Variants in SOX5 observed in about 807,000 individuals in gnomAD.
SOX5 encodes transcription factor SOX-5.
SOX5 carries 9 observed loss-of-function variants against 92.0 expected under a neutral mutation model. The ratio of observed to expected loss-of-function variants is 0.10; its 90% CI spans 0.06 to 0.17. SOX5 has a LOEUF of 0.17. Among genes scored for constraint, SOX5 ranks in the 10% least tolerant of loss-of-function variants. SOX5 has a pLI of 1.00. For synonymous variants in SOX5, 344 were observed against 336.3 expected, an observed-to-expected ratio of 1.02 and a Z score of -0.25; for missense variants, 642 against 944.5, an observed-to-expected ratio of 0.68 and a Z score of 4.20.
At chr12:24,046,006 C>A (rs923722046) in intron 4 of SOX5, among the ~76,000 whole-genome samples, 2 of 152,152 alleles carry the variant, frequency 1.3e-5, no homozygotes, top group African/African-American at 4.8e-5. Context: ...TTGCCAGTTG[C>A]GCGGTTTGCC....
At position 23,915,243 on chromosome 12, in the gene SOX5, T is replaced by C. The variant is rs11835148; in HGVS notation, c.39-19219A>G. On this transcript the variant is annotated intron_variant, in intron 1 of 14. Transcript: ENST00000451604. ...ACTGAATAAATGCTATCTATTATTA[T>C]TGCTGTTGTTCTTTGAAATTGAATT... Among the ~76,000 whole-genome samples, 1,384 of 152,284 alleles carry C rather than the reference T, an allele frequency of 9.1e-3. 22 individuals carry two copies. Among genetic ancestry groups the C allele is most frequent in the African/African-American group, 0.031 (1,302 of 41,584 alleles).
intron 1 of SOX5, among the ~76,000 whole-genome samples, chr12:24,540,667 C>T (rs1214243781): frequency 1.3e-5 from 2 of 152,106 alleles, no homozygotes; most frequent in Non-Finnish European, 2.9e-5. Flanking sequence ...GCAAATGATT[C>T]AAAAGACAAT....
chr12:24,162,543 A>C (rs1175815707), intron 4 of SOX5, among the ~76,000 whole-genome samples: 1 of 152,114 alleles, frequency 6.6e-6, no homozygotes, highest in Non-Finnish European at 1.5e-5. Flanking sequence ...TTAACAACTT[A>C]TTTTCTCAAA....
intron 8 of SOX5, among the ~76,000 whole-genome samples, chr12:23,627,560 T>C (rs1316182729): frequency 6.6e-6 from 1 of 152,156 alleles, no homozygotes; most frequent in African/African-American, 2.4e-5. Context: ...TGAGGCTGAA[T>C]GCTTACACTA....
intron 2 of SOX5, among the ~76,000 whole-genome samples, chr12:24,317,993 C>T (rs1194823811): frequency 1.3e-5 from 2 of 152,048 alleles, no homozygotes; most frequent in African/African-American, 4.8e-5. Flanking sequence ...GGCGGATCAC[C>T]TGAGGTCAGG....
At chr12:24,316,902 A>C (rs1479074854) in intron 2 of SOX5, among the ~76,000 whole-genome samples, 1 of 152,126 alleles carries the variant, frequency 6.6e-6, no homozygotes, top group Non-Finnish European at 1.5e-5. Flanking sequence ...CTGAAGCAGG[A>C]TTGAAAAAAA....
intron 8 of SOX5, among the ~76,000 whole-genome samples, chr12:23,611,369 C>T (rs112067701): frequency 3.6e-4 from 49 of 137,092 alleles, no homozygotes; most frequent in East Asian, 3.4e-3. Flanking sequence ...TGTGTGTGTG[C>T]GTGTGTGTGT....
intron 2 of SOX5, among the ~76,000 whole-genome samples, chr12:23,880,244 T>C (rs986987453): frequency 1.3e-5 from 2 of 152,170 alleles, no homozygotes; most frequent in Non-Finnish European, 2.9e-5. Flanking sequence ...CTTAAAGTGA[T>C]TTAACACCTA....
intron 11 of SOX5, among the ~76,000 whole-genome samples, chr12:23,562,133 C>T (rs1417284092): frequency 6.6e-6 from 1 of 152,170 alleles, no homozygotes; most frequent in Non-Finnish European, 1.5e-5. Flanking sequence ...TAAAAATGTG[C>T]CCTTCTCAGG....
intron 2 of SOX5, among the ~76,000 whole-genome samples, chr12:24,331,914 A>T (rs1242857320): frequency 6.6e-6 from 1 of 151,276 alleles, no homozygotes; most frequent in East Asian, 1.9e-4. Flanking sequence ...AAAAAGGTGA[A>T]ATTAAGTATG....
intron 5 of SOX5, 82 bp downstream of exon 5, chr12:23,740,785 T>C (rs1593896127): frequency 2.6e-6 from 3 of 1,132,562 alleles, no homozygotes; most frequent in Non-Finnish European, 3.7e-6. Context: ...TTATTCATTG[T>C]TGTGTGCCTA....
intron 4 of SOX5, among the ~76,000 whole-genome samples, chr12:23,982,110 C>T (rs890921807): frequency 1.3e-5 from 2 of 152,104 alleles, no homozygotes; most frequent in African/African-American, 2.4e-5. Context: ...TGGGCACGAA[C>T]GAACATTTGA....
chr12:24,021,253 G>C (rs1954253491), intron 4 of SOX5, among the ~76,000 whole-genome samples: 1 of 152,142 alleles, frequency 6.6e-6, no homozygotes, highest in Non-Finnish European at 1.5e-5. Flanking sequence ...GCATGAGATG[G>C]GGACAGAGGT....
At chr12:23,584,609 G>A (rs1566040538) in intron 9 of SOX5, 14 of 1,602,928 alleles carry the variant, frequency 8.7e-6, no homozygotes, top group Non-Finnish European at 1.2e-5. Flanking sequence ...ATAACTGACT[G>A]TTTAATGAGT....
At chr12:23,949,063 G>T (rs1945105533) in intron 1 of SOX5, among the ~76,000 whole-genome samples, 1 of 152,022 alleles carries the variant, frequency 6.6e-6, no homozygotes, top group Non-Finnish European at 1.5e-5. Flanking sequence ...TCAACAAAAG[G>T]TCATGTGCTT....
chr12:23,839,409 G>A (rs2096483830), intron 3 of SOX5, among the ~76,000 whole-genome samples: 1 of 152,086 alleles, frequency 6.6e-6, no homozygotes, highest in African/African-American at 2.4e-5. Flanking sequence ...CACAAAGCTG[G>A]TTCTTGGTAG....
At chr12:24,348,588 G>T (rs1953654492) in intron 2 of SOX5, among the ~76,000 whole-genome samples, 1 of 151,922 alleles carries the variant, frequency 6.6e-6, no homozygotes, top group South Asian at 2.1e-4. Context: ...TCACCATGTT[G>T]GCCAGGCTGG....
chr12:23,854,207 T>G (rs1272191883), intron 2 of SOX5, among the ~76,000 whole-genome samples: 2 of 152,040 alleles, frequency 1.3e-5, no homozygotes, highest in African/African-American at 4.8e-5. Context: ...ATAAATGTAG[T>G]TTTTTAATAC....
At chr12:23,768,626 G>T (rs1158062322) in intron 3 of SOX5, among the ~76,000 whole-genome samples, 1 of 151,970 alleles carries the variant, frequency 6.6e-6, no homozygotes, top group Non-Finnish European at 1.5e-5. Flanking sequence ...TAAGAGTTGA[G>T]ATCATCAATT....
Sources: gnomAD v4.1 joint callset for allele counts (sites outside exome capture counted in the v4.1 genomes callset) on GRCh38, gnomAD v4.1.1 for gene constraint, MANE v1.5 for transcripts, NCBI Gene and HGNC (gene_info 2026-07-23, HGNC 2026-07-21) for gene names.